NCAM2: variants seen among roughly 807,000 people sequenced by gnomAD.
NCAM2 encodes N-CAM-2.
In NCAM2, 30 loss-of-function variants were observed where a neutral mutation model predicts 98.1. The observed-to-expected ratio is 0.31, with a 90% CI of 0.23 to 0.41. The LOEUF is 0.41. NCAM2 is among the 10% of genes least tolerant of loss of function. The pLI is 1.00. For synonymous variants in NCAM2, 368 were observed against 342.4 expected (o/e 1.07, Z -0.83); for missense variants, 867 against 1,005.8 (o/e 0.86, Z 1.87).
At chr21:21,355,556 G>T (rs982786849) in intron 8 of NCAM2, among the ~76,000 whole-genome samples, 15 of 149,356 alleles carry the variant, frequency 1.0e-4, no homozygotes, top group African/African-American at 3.7e-4. Flanking sequence ...GAGGGACGGA[G>T]GAAAGAAGGA....
At chr21:21,065,761 A>G (rs2065423037) in intron 1 of NCAM2, among the ~76,000 whole-genome samples, 1 of 152,186 alleles carries the variant, frequency 6.6e-6, no homozygotes, top group South Asian at 2.1e-4. Context: ...GGGAGTGTGT[A>G]CTATGACTAC....
At chr21:21,411,015 A>AAT (rs1316213362) in intron 10 of NCAM2, among the ~76,000 whole-genome samples, 51 of 65,842 alleles carry the variant, frequency 7.7e-4, no homozygotes, top group African/African-American at 2.3e-3. Flanking sequence ...TAAAAAAAAA[A>AAT]ATATATATAT....
At chr21:21,432,976 G>A (rs2077377326) in intron 12 of NCAM2, among the ~76,000 whole-genome samples, 2 of 152,134 alleles carry the variant, frequency 1.3e-5, no homozygotes, top group Admixed American at 6.5e-5. Flanking sequence ...ATGTTCCATA[G>A]GTCTGTTCTA....
chr21:21,296,893 G>T (rs924708084), intron 5 of NCAM2, among the ~76,000 whole-genome samples: 1 of 151,646 alleles, frequency 6.6e-6, no homozygotes, highest in Non-Finnish European at 1.5e-5. Context: ...ACAAAAATAA[G>T]TGTGCTGAAT....
chr21:21,479,058 C>G (rs771225354), intron 15 of NCAM2, among the ~76,000 whole-genome samples: 6 of 152,072 alleles, frequency 3.9e-5, no homozygotes, highest in Admixed American at 1.3e-4. Context: ...GCCAGAGCCT[C>G]CTCCAAAGGA....
intron 1 of NCAM2, among the ~76,000 whole-genome samples, chr21:21,260,498 C>T (rs186934940): frequency 4.4e-4 from 67 of 151,448 alleles, no homozygotes; most frequent in African/African-American, 1.5e-3. Context: ...AGAGTAACAG[C>T]GGACTTTTCA....
At chr21:21,344,672 A>C (rs1210191652) in intron 8 of NCAM2, among the ~76,000 whole-genome samples, 3 of 152,042 alleles carry the variant, frequency 2.0e-5, no homozygotes, top group Non-Finnish European at 4.4e-5. Context: ...CCTAGACAGC[A>C]CCTCTGGACC....
chr21:20,999,138 G>A (rs972193078), intron 1 of NCAM2, among the ~76,000 whole-genome samples: 1 of 151,958 alleles, frequency 6.6e-6, no homozygotes, highest in African/African-American at 2.4e-5. Flanking sequence ...AGTGAATGAT[G>A]ATGGCTTATT....
intron 8 of NCAM2, among the ~76,000 whole-genome samples, chr21:21,342,212 G>C (rs143038141): frequency 5.1e-4 from 77 of 152,188 alleles, no homozygotes; most frequent in African/African-American, 1.7e-3. Context: ...TTATCGTCTG[G>C]TATTATTACT....
chr21:21,462,800 T>C (rs2169141), intron 12 of NCAM2, among the ~76,000 whole-genome samples: 67,239 of 151,824 alleles, frequency 0.44, 16,288 homozygotes, highest in East Asian at 0.95. Context: ...TCTGTTGCCG[T>C]GTTAAAGAAA....
At chr21:21,388,895 A>G (rs1487626625) in intron 9 of NCAM2, among the ~76,000 whole-genome samples, 1 of 151,400 alleles carries the variant, frequency 6.6e-6, no homozygotes, top group African/African-American at 2.5e-5. Flanking sequence ...AAAATATCTC[A>G]CTAACTATAT....
intron 5 of NCAM2, 91 bp from the exon 6 acceptor site, chr21:21,324,292 T>G: frequency 4.6e-6 from 4 of 865,958 alleles, no homozygotes; most frequent in Non-Finnish European, 7.2e-6. Flanking sequence ...AAGGATGACA[T>G]TTGAAAGCTT....
chr21:21,479,966 C>G (rs1334204393), intron 15 of NCAM2, among the ~76,000 whole-genome samples: 1 of 151,904 alleles, frequency 6.6e-6, no homozygotes, highest in Non-Finnish European at 1.5e-5. Context: ...TGTGACAAAC[C>G]CTTGAATGAG....
intron 1 of NCAM2, among the ~76,000 whole-genome samples, chr21:21,275,259 T>C (rs890382157): frequency 3.3e-5 from 5 of 151,704 alleles, no homozygotes; most frequent in South Asian, 4.2e-4. Context: ...GCTAACACGG[T>C]GAAACCCCAT....
intron 17 of NCAM2, among the ~76,000 whole-genome samples, chr21:21,536,638 C>T (rs1321946547): frequency 6.6e-6 from 1 of 152,064 alleles, no homozygotes; most frequent in Non-Finnish European, 1.5e-5. Flanking sequence ...GATCCGCCCG[C>T]CTTGGCCTCC....
At chr21:21,464,876 G>A (rs1004014446) in intron 12 of NCAM2, among the ~76,000 whole-genome samples, 1 of 152,026 alleles carries the variant, frequency 6.6e-6, no homozygotes, top group Non-Finnish European at 1.5e-5. Flanking sequence ...AGAAATCATT[G>A]AATTCAAGCC....
intron 1 of NCAM2, among the ~76,000 whole-genome samples, chr21:21,214,240 G>A (rs1254779678): frequency 1.3e-5 from 2 of 152,050 alleles, no homozygotes; most frequent in African/African-American, 2.4e-5. Context: ...AGAATTTTAT[G>A]AAAAATGTTT....
chr21:21,521,341 T>C (rs9983946), intron 16 of NCAM2, among the ~76,000 whole-genome samples: 1,680 of 152,216 alleles, frequency 0.011, 37 homozygotes, highest in African/African-American at 0.039. Context: ...GGCCTATTGA[T>C]TATATTTACC....
intron 16 of NCAM2, among the ~76,000 whole-genome samples, chr21:21,522,740 T>C (rs904380418): frequency 6.7e-6 from 1 of 149,322 alleles, no homozygotes; most frequent in Non-Finnish European, 1.5e-5. Flanking sequence ...CAAGCAATTC[T>C]CCTGCCTCAG....
Sources: allele counts gnomAD v4.1 joint callset (sites outside exome capture counted in the v4.1 genomes callset), GRCh38; gene constraint gnomAD v4.1.1; transcripts MANE v1.5; gene names NCBI Gene and HGNC (gene_info 2026-07-23, HGNC 2026-07-21).